STX16: variants seen among roughly 807,000 people sequenced by gnomAD.
STX16 encodes syntaxin-16.
Under a neutral mutation model 42.7 loss-of-function variants are expected in STX16, and 28 were observed. That is an observed-to-expected ratio of 0.66 (90% CI 0.49 to 0.90). The LOEUF is 0.90. Among genes scored for constraint, STX16 ranks in the 40% least tolerant of loss-of-function variants. The probability of loss-of-function intolerance (pLI) is 0.00; values close to 1 mark genes in which losing one functional copy is unlikely to be tolerated. For missense variants in STX16, 361 were observed against 420.9 expected (o/e 0.86, Z 1.24); for synonymous variants, 156 against 155.2 (o/e 1.00, Z -0.04).
At chr20:58,652,886 A>G (rs797004012) in intron 1 of STX16, among the ~76,000 whole-genome samples, 46 of 152,188 alleles carry the variant, frequency 3.0e-4, no homozygotes, top group African/African-American at 1.1e-3. Context: ...AATTAACCAC[A>G]ACCTTTAGTT....
intron 7 of STX16, among the ~76,000 whole-genome samples, chr20:58,673,127 C>T (rs2084020213): frequency 6.6e-6 from 1 of 152,206 alleles, no homozygotes; most frequent in South Asian, 2.1e-4. Context: ...AGGTGGTAGA[C>T]TGGAGTTTAC....
intron 2 of STX16, chr20:58,667,258 A>G: frequency 3.2e-6 from 2 of 624,526 alleles, no homozygotes; most frequent in South Asian, 1.5e-5. Context: ...GAGCTGGTGC[A>G]TGAAAAGATA....
At chr20:58,660,161 G>T (rs893099986) in intron 2 of STX16, among the ~76,000 whole-genome samples, 1 of 152,142 alleles carries the variant, frequency 6.6e-6, no homozygotes, top group South Asian at 2.1e-4. Flanking sequence ...CCTAGCTGGG[G>T]GTGCCTTTGG....
In STX16 at chr20:58,652,113, C is replaced by T. The variant is rs1330280305; in HGVS notation, c.107C>T (p.Pro36Leu). 3 of 1,614,180 alleles carry T rather than the reference C, an allele frequency of 1.9e-6. No individual in the cohort carries two copies. Among genetic ancestry groups the T allele is most frequent in the Non-Finnish European group, 2.5e-6 (3 of 1,180,036 alleles). Reference sequence around the variant, plus strand: ...GTGAGTAGTCACATCACCTCCAGCCCTCTGCATTCACGTAGCATTGCTGCG... The same window carrying T: ...GTGAGTAGTCACATCACCTCCAGCCTTCTGCATTCACGTAGCATTGCTGCG... ...EQVSSHITSS[P>L]LHSRSIAAEL... Residue 36 changes from proline to leucine, a missense_variant, in exon 1 of 9, where the codon CCT becomes CTT. Transcript: ENST00000371141.
chr20:58,652,149 T>G lies in STX16; in HGVS notation c.132+11T>G. 1 of 1,613,276 alleles carries G rather than the reference T, an allele frequency of 6.2e-7. No homozygotes were observed. The highest frequency in any genetic ancestry group is 8.5e-7 in the Non-Finnish European group (1 of 1,179,898). On this transcript the variant is annotated intron_variant, in intron 1 of 8. Coordinates refer to ENST00000371141, the MANE Select transcript of STX16 (RefSeq NM_001001433.3). ...CGTAGCATTGCTGCGGTGAGTCTCC[T>G]GGCGGCCTCTCCGACACACGGACCG... is the stretch of plus-strand genomic sequence containing the variant.
Position 58,676,308 on chromosome 20 carries a change from G to C in STX16, c.*17G>C. 3 of 1,607,044 alleles carry C rather than the reference G, an allele frequency of 1.9e-6. No homozygotes were observed. Among genetic ancestry groups the C allele is most frequent in the East Asian group, 2.2e-5 (1 of 44,848 alleles). ...TCTCGATAAGTGGCATTGGGTTTTCGTGTGTGCCGCGCGTGTGGATCTCCC... is the reference window on the plus strand; with the variant it reads ...TCTCGATAAGTGGCATTGGGTTTTCCTGTGTGCCGCGCGTGTGGATCTCCC... On this transcript the variant is annotated 3_prime_UTR_variant, in exon 9 of 9. Coordinates refer to ENST00000371141, the MANE Select transcript of STX16 (RefSeq NM_001001433.3).
chr20:58,658,357 A>G (rs891303870), intron 1 of STX16, among the ~76,000 whole-genome samples: 8 of 152,230 alleles, frequency 5.3e-5, no homozygotes, highest in Non-Finnish European at 1.2e-4. Flanking sequence ...AGGTAATTAA[A>G]TCAGCTTTCC....
rs1457676508 is a variant in STX16 at position 58,677,884 on chromosome 20, A to G, written c.*1593A>G. 2.0e-5 allele frequency: 3 copies of G among 152,148 alleles called. No individual in the cohort carries two copies. The highest frequency in any genetic ancestry group is 4.4e-5 in the Non-Finnish European group (3 of 68,050). 9.4% of individuals were successfully genotyped at this position (152,148 alleles called of 1,614,324 possible). A position where few individuals can be genotyped will look rare whatever the true frequency, so the allele number is the denominator to read the frequency against. On this transcript the variant is annotated 3_prime_UTR_variant, in exon 9 of 9. Coordinates refer to ENST00000371141, the MANE Select transcript of STX16 (RefSeq NM_001001433.3). Reference sequence around the variant, plus strand: ...CCAGGTAGCCATTGGTGGTTTTCCTATTACTGATGTGGCTGTGGAATGATA... The same window carrying G: ...CCAGGTAGCCATTGGTGGTTTTCCTGTTACTGATGTGGCTGTGGAATGATA...
At chr20:58,672,775 G>A (rs2084011229) in intron 7 of STX16, among the ~76,000 whole-genome samples, 1 of 152,102 alleles carries the variant, frequency 6.6e-6, no homozygotes, top group South Asian at 2.1e-4. Context: ...TCTAATTTTG[G>A]CAGGTTATTG....
chr20:58,667,964 G>A (rs1249110582), intron 3 of STX16, 23 bp from the exon 4 acceptor site: 1 of 1,614,002 alleles, frequency 6.2e-7, no homozygotes, highest in East Asian at 2.2e-5. Flanking sequence ...CATCAGTGGA[G>A]TTCTGTGACT....
At chr20:58,652,374 C>T (rs560113016) in intron 1 of STX16, 10 of 593,592 alleles carry the variant, frequency 1.7e-5, no homozygotes, top group Non-Finnish European at 2.4e-5. Flanking sequence ...CCGCAGCACC[C>T]CCCCCCCCGC....
rs997639330 is a variant in STX16 at position 58,676,382 on chromosome 20, A to G, written c.*91A>G. Reference sequence around the variant, plus strand: ...CCCCGCCAGCTGCCCGCAGAGGTGCAGCCTCGAGGAATCTGAGGGCGTCGG... The same window carrying G: ...CCCCGCCAGCTGCCCGCAGAGGTGCGGCCTCGAGGAATCTGAGGGCGTCGG... On this transcript the variant is annotated 3_prime_UTR_variant, in exon 9 of 9. Coordinates refer to ENST00000371141, the MANE Select transcript of STX16 (RefSeq NM_001001433.3). 1 of 1,165,948 alleles carries G rather than the reference A, an allele frequency of 8.6e-7. No individual in the cohort carries two copies. Among genetic ancestry groups the G allele is most frequent in the African/African-American group, 1.5e-5 (1 of 66,066 alleles). The allele number at this position is 1,165,948 out of a possible 1,614,324, so 72.2% of individuals were successfully genotyped here.
Position 58,669,473 on chromosome 20 carries a change from A to C in STX16, c.556+20A>C, listed in dbSNP as rs549679536. ...TCAAACGTGAGTGCTGCCCGGGCCT[A>C]GTGAAGGGATTTTGAGTAAGAAAAG... On this transcript the variant is annotated intron_variant, in intron 5 of 8. Transcript: ENST00000371141. The C allele has an allele frequency of 3.2e-6, 5 of 1,586,806 alleles. No homozygotes were observed. In the African/African-American group the frequency reaches 5.5e-5, roughly 17 times the overall value.
At chr20:58,659,310 G>C (rs2083646698) in intron 1 of STX16, among the ~76,000 whole-genome samples, 1 of 152,144 alleles carries the variant, frequency 6.6e-6, no homozygotes, top group Non-Finnish European at 1.5e-5. Context: ...GCATATTTTA[G>C]TGAAACCAAA....
chr20:58,654,535 T>C (rs2083545409), intron 1 of STX16, among the ~76,000 whole-genome samples: 1 of 152,312 alleles, frequency 6.6e-6, no homozygotes, highest in Non-Finnish European at 1.5e-5. Context: ...GGAAAAGCTT[T>C]ATAAACATTT....
intron 8 of STX16, among the ~76,000 whole-genome samples, chr20:58,675,923 CTG>C (rs1361800662): frequency 2.0e-5 from 3 of 152,216 alleles, no homozygotes; most frequent in African/African-American, 7.2e-5. Flanking sequence ...TTTCACTTCC[CTG>C]TCAGGCTTTG....
rs930804391 is a variant in STX16 at position 58,678,719 on chromosome 20, G to C, written c.*2428G>C. 2 of 152,126 alleles carry C rather than the reference G, an allele frequency of 1.3e-5. No individual in the cohort carries two copies. Among genetic ancestry groups the C allele is most frequent in the Non-Finnish European group, 2.9e-5 (2 of 68,078 alleles). The allele number at this position is 152,126 out of a possible 1,614,324, so 9.4% of individuals were successfully genotyped here. On this transcript the variant is annotated 3_prime_UTR_variant, in exon 9 of 9. Transcript: ENST00000371141. Reference sequence around the variant, plus strand: ...AGACCCAGCCTGGAGCTGGCCCCTGGCCTGTGTGCTGACTTCTTGGGGTCC... The same window carrying C: ...AGACCCAGCCTGGAGCTGGCCCCTGCCCTGTGTGCTGACTTCTTGGGGTCC...
At chr20:58,674,024 C>T (rs552075802) in intron 8 of STX16, among the ~76,000 whole-genome samples, 1 of 152,080 alleles carries the variant, frequency 6.6e-6, no homozygotes, top group Non-Finnish European at 1.5e-5. Context: ...TTTTCTAATG[C>T]TTCTTGTTTT....
chr20:58,654,572 T>G (rs1345717951), intron 1 of STX16, among the ~76,000 whole-genome samples: 1 of 152,230 alleles, frequency 6.6e-6, no homozygotes, highest in Non-Finnish European at 1.5e-5. Flanking sequence ...TTTAACACAA[T>G]TTGTAAAATC....
Sources: gnomAD v4.1 joint callset for allele counts (sites outside exome capture counted in the v4.1 genomes callset) on GRCh38, gnomAD v4.1.1 for gene constraint, MANE v1.5 for transcripts, NCBI Gene and HGNC (gene_info 2026-07-23, HGNC 2026-07-21) for gene names.